The following OR7C1 variants were observed in gnomAD, a reference collection of about 807,000 sequenced individuals.
OR7C1 encodes the protein olfactory receptor family 7 subfamily C member 1.
For synonymous variants in OR7C1, 152 were observed against 160.7 expected, an observed-to-expected ratio of 0.95 and a Z score of 0.41; for missense variants, 324 against 383.3, an observed-to-expected ratio of 0.85 and a Z score of 1.29.
At chr19:14,825,410 CA>C (rs1466644096) in intron 1 of OR7C1, 1 of 152,098 alleles carries the variant, frequency 6.6e-6, no homozygotes, top group Non-Finnish European at 1.5e-5. Context: ...TTATACTGTA[CA>C]CTGTGAATTT....
chr19:14,830,964 C>A (rs1367539369), intron 1 of OR7C1, among the ~76,000 whole-genome samples: 2 of 152,200 alleles, frequency 1.3e-5, no homozygotes, highest in East Asian at 1.9e-4. Flanking sequence ...CTCTTCAGCT[C>A]GCAGCACAAG....
chr19:14,818,341 G>T (rs113961500), intron 1 of OR7C1, among the ~76,000 whole-genome samples: 6,593 of 152,072 alleles, frequency 0.043, 231 homozygotes, highest in African/African-American at 0.092. Flanking sequence ...TGATCCGCCC[G>T]TCTCTGCCTC....
exon 5 of OR7C1, chr19:14,799,209 A>G: frequency 1.2e-6 from 2 of 1,612,736 alleles, no homozygotes; most frequent in Non-Finnish European, 1.7e-6. Context: ...CCATTAAAAA[A>G]TGTTGCCCTA....
intron 1 of OR7C1, among the ~76,000 whole-genome samples, chr19:14,830,070 C>T (rs1366970114): frequency 6.6e-6 from 1 of 152,052 alleles, no homozygotes; most frequent in East Asian, 1.9e-4. Flanking sequence ...CCTATGTTGC[C>T]CAGGCTGGTC....
chr19:14,813,802 C>T (rs1045256717), intron 1 of OR7C1, among the ~76,000 whole-genome samples: 3 of 151,972 alleles, frequency 2.0e-5, no homozygotes, highest in Non-Finnish European at 4.4e-5. Context: ...GAAATCTGCC[C>T]CCATGACCCA....
chr19:14,804,278 GA>G (rs1164821267), intron 2 of OR7C1, among the ~76,000 whole-genome samples: 1 of 152,156 alleles, frequency 6.6e-6, no homozygotes, highest in Non-Finnish European at 1.5e-5. Context: ...ACTGTTTAAG[GA>G]AATCTCTTAT....
At chr19:14,814,432 T>A (rs1379411840) in intron 1 of OR7C1, among the ~76,000 whole-genome samples, 1 of 150,956 alleles carries the variant, frequency 6.6e-6, no homozygotes, top group Non-Finnish European at 1.5e-5. Context: ...ATTTATGTAT[T>A]TTTTTTTTGA....
chr19:14,828,980 A>G (rs1339847719), intron 1 of OR7C1, among the ~76,000 whole-genome samples: 1 of 152,140 alleles, frequency 6.6e-6, no homozygotes, highest in Admixed American at 6.6e-5. Context: ...TCAGATGGGA[A>G]CAGGCGCTTG....
At chr19:14,834,756 C>T (rs1170141459) in intron 1 of OR7C1, among the ~76,000 whole-genome samples, 1 of 152,150 alleles carries the variant, frequency 6.6e-6, no homozygotes, top group Non-Finnish European at 1.5e-5. Context: ...TTCTCTACTC[C>T]CCTTAATTAC....
chr19:14,817,987 T>C (rs1368856878), intron 1 of OR7C1, among the ~76,000 whole-genome samples: 1 of 152,170 alleles, frequency 6.6e-6, no homozygotes, highest in Non-Finnish European at 1.5e-5. Flanking sequence ...CTGTATCCAT[T>C]AAAAAGATCA....
intron 1 of OR7C1, among the ~76,000 whole-genome samples, chr19:14,813,751 T>C (rs953234710): frequency 5.9e-5 from 9 of 151,964 alleles, no homozygotes; most frequent in African/African-American, 2.2e-4. Context: ...AACAGCCAGA[T>C]CTTGTGAAAA....
intron 1 of OR7C1, among the ~76,000 whole-genome samples, chr19:14,817,004 TG>T (rs1415953135): frequency 1.3e-5 from 2 of 150,330 alleles, no homozygotes; most frequent in Non-Finnish European, 3.0e-5. Context: ...AGAGGGGAGG[TG>T]CCTAATGAGC....
Position 14,799,862 on chromosome 19 carries a change from A to G in OR7C1, c.275T>C (p.Ile92Thr), listed in dbSNP as rs1328220306. 1 of 1,614,062 alleles carries G rather than the reference A, an allele frequency of 6.2e-7. No individual in the cohort carries two copies. Among genetic ancestry groups the G allele is most frequent in the Non-Finnish European group, 8.5e-7 (1 of 1,180,046 alleles). The change falls in exon 5 of 5, where the codon ATA becomes ACA. Residue 92 changes from isoleucine (I) to threonine (T), a missense_variant. Physicochemically the swap from Ile to Thr is moderately conservative, Grantham distance 89. Coordinates refer to ENST00000641666, the Ensembl canonical transcript of OR7C1. Reference sequence around the variant, plus strand: ...CTGACTGAGACAGCCTGCATATGTTATGAATTTGTTCTGTGTCAGTATATT... The same window carrying G: ...CTGACTGAGACAGCCTGCATATGTTGTGAATTTGTTCTGTGTCAGTATATT...
At chr19:14,834,370 A>G (rs1157072930) in intron 1 of OR7C1, among the ~76,000 whole-genome samples, 1 of 152,124 alleles carries the variant, frequency 6.6e-6, no homozygotes, top group Non-Finnish European at 1.5e-5. Flanking sequence ...AGCACTATTG[A>G]TATTCTGGGC....
intron 1 of OR7C1, among the ~76,000 whole-genome samples, chr19:14,814,152 G>A (rs972357814): frequency 1.1e-4 from 16 of 148,012 alleles, no homozygotes; most frequent in African/African-American, 3.9e-4. Context: ...AAGCACAGGC[G>A]ACAAAAGGAG....
At position 14,822,373 on chromosome 19, in the gene OR7C1, C is replaced by CTT. The variant is rs1162241411; in HGVS notation, c.-622-12382_-622-12381dup. Among the ~76,000 whole-genome samples, 61 of 67,720 alleles carry CTT rather than the reference C, an allele frequency of 9.0e-4. 7 individuals carry two copies. The highest frequency in any genetic ancestry group is 8.4e-3 in the East Asian group (20 of 2,378). 44.4% of individuals were successfully genotyped at this position (67,720 alleles called of 152,430 possible). On this transcript the variant is annotated intron_variant, in intron 1 of 4. Transcript: ENST00000641666. The stretch of plus-strand genomic sequence containing the variant: ...ATCCTCATCAGCACTTATCTCCTGT[C>CTT]TTTTTTTTTTTTTTTTTTTTTTTTT...
chr19:14,802,512 C>G (rs2147645249), intron 2 of OR7C1, among the ~76,000 whole-genome samples: 1 of 151,856 alleles, frequency 6.6e-6, no homozygotes, highest in South Asian at 2.1e-4. Context: ...AAGAGTGAAA[C>G]TCTGTCTCCA....
At chr19:14,801,601 G>A (rs1333793741) in intron 2 of OR7C1, among the ~76,000 whole-genome samples, 3 of 152,318 alleles carry the variant, frequency 2.0e-5, no homozygotes, top group Admixed American at 2.0e-4. Context: ...TACCGTGGCA[G>A]CTGTCATAAT....
intron 4 of OR7C1, 33 bp from the exon 5 acceptor site, chr19:14,800,182 TATC>T (rs2044634795): frequency 6.7e-7 from 1 of 1,499,134 alleles, no homozygotes; most frequent in South Asian, 1.4e-5. Context: ...AACAGTCAAT[TATC>T]AACACACTGG....
Sources: allele counts gnomAD v4.1 joint callset (sites outside exome capture counted in the v4.1 genomes callset), GRCh38; gene constraint gnomAD v4.1.1; transcripts MANE v1.5; gene names NCBI Gene and HGNC (gene_info 2026-07-23, HGNC 2026-07-21).